The following NCKAP5 variants were observed in gnomAD, a reference collection of about 807,000 sequenced individuals.
The protein encoded by NCKAP5 is NCK associated protein 5.
Under a neutral mutation model 167.0 loss-of-function variants are expected in NCKAP5, and 92 were observed. That is an observed-to-expected ratio of 0.55 (90% CI 0.47 to 0.66). The LOEUF (loss-of-function observed/expected upper bound fraction) is 0.66, where lower values mean the gene tolerates loss of function less well. Among genes scored for constraint, NCKAP5 ranks in the 30% least tolerant of loss-of-function variants. NCKAP5 has a pLI of 0.00. For missense variants in NCKAP5, 2,378 were observed against 2,315.0 expected (o/e 1.03, Z -0.56); for synonymous variants, 891 against 877.4 (o/e 1.02, Z -0.27).
At chr2:133,009,597 C>T (rs1431388096) in intron 6 of NCKAP5, among the ~76,000 whole-genome samples, 2 of 152,026 alleles carry the variant, frequency 1.3e-5, no homozygotes, top group Non-Finnish European at 2.9e-5. Context: ...TTATCTGTTC[C>T]TCTATTTGAT....
intron 12 of NCKAP5, among the ~76,000 whole-genome samples, chr2:132,791,333 G>A (rs530391335): frequency 6.6e-6 from 1 of 152,256 alleles, no homozygotes; most frequent in Non-Finnish European, 1.5e-5. Context: ...CTATCCACAT[G>A]GTAATAACCC....
intron 8 of NCKAP5, among the ~76,000 whole-genome samples, chr2:132,884,223 C>A (rs141869081): frequency 2.2e-4 from 33 of 152,334 alleles, no homozygotes; most frequent in Non-Finnish European, 1.5e-5. Context: ...CCACACAGCA[C>A]GATCCTTCTG....
intron 8 of NCKAP5, among the ~76,000 whole-genome samples, chr2:132,960,281 A>C (rs550340099): frequency 1.3e-5 from 2 of 152,204 alleles, no homozygotes; most frequent in African/African-American, 2.4e-5. Context: ...TGGCATGCAG[A>C]GACCTAGACA....
At chr2:133,409,691 A>C (rs1358416136) in intron 3 of NCKAP5, among the ~76,000 whole-genome samples, 1 of 152,172 alleles carries the variant, frequency 6.6e-6, no homozygotes, top group Non-Finnish European at 1.5e-5. Flanking sequence ...ATGTGTGTGC[A>C]TGTGTATGCA....
chr2:132,771,640 C>T (rs1376902657), intron 16 of NCKAP5, among the ~76,000 whole-genome samples: 1 of 151,588 alleles, frequency 6.6e-6, no homozygotes. Context: ...TATAAGTGCC[C>T]TATACAGGTA....
chr2:132,771,568 G>A (rs372555302), intron 16 of NCKAP5, among the ~76,000 whole-genome samples: 3 of 152,058 alleles, frequency 2.0e-5, no homozygotes, highest in Admixed American at 6.6e-5. Context: ...GTAAGGTGAT[G>A]TCCTGGGCCC....
At chr2:132,812,531 C>A (rs1338905617) in intron 11 of NCKAP5, among the ~76,000 whole-genome samples, 1 of 152,148 alleles carries the variant, frequency 6.6e-6, no homozygotes. Flanking sequence ...TGAACAAGCA[C>A]ACTCCCTGCA....
At chr2:132,910,176 C>A (rs1694333732) in intron 8 of NCKAP5, among the ~76,000 whole-genome samples, 2 of 152,088 alleles carry the variant, frequency 1.3e-5, no homozygotes, top group African/African-American at 4.8e-5. Flanking sequence ...TGCTTTGATA[C>A]AGGCATGCAA....
rs145303353 is a variant in NCKAP5 at position 132,745,814 on chromosome 2, A to C, written c.5129-13763T>G. 1.2e-4 allele frequency among the ~76,000 whole-genome samples: 19 copies of C among 152,116 alleles called. No homozygotes were observed. The East Asian group carries it at 3.5e-3, about 28-fold the overall frequency. ...TTAGTATGTATTATAAATAATTGGT[A>C]ATTAAACAATACTATTTCTAACAGC... is the stretch of plus-strand genomic sequence containing the variant. On this transcript the variant is annotated intron_variant, in intron 16 of 19. Coordinates refer to ENST00000409261, the MANE Select transcript of NCKAP5 (RefSeq NM_207363.3).
At chr2:133,254,208 C>T (rs1011532310) in intron 4 of NCKAP5, among the ~76,000 whole-genome samples, 2 of 152,148 alleles carry the variant, frequency 1.3e-5, no homozygotes, top group Admixed American at 1.3e-4. Flanking sequence ...TGACACAATG[C>T]CAGCTCCAGG....
At chr2:133,587,901 A>G in the NCKAP5 span, among the ~76,000 whole-genome samples, 2 of 152,222 alleles carry the variant, frequency 1.3e-5, no homozygotes, top group Admixed American at 1.3e-4. Context: ...TCGCCTGACA[A>G]GACTTTCCAG....
chr2:132,687,634 C>A (rs1686119340), intron 19 of NCKAP5, among the ~76,000 whole-genome samples: 1 of 150,648 alleles, frequency 6.6e-6, no homozygotes, highest in Admixed American at 6.7e-5. Flanking sequence ...TGAAAATAAT[C>A]CAAAAGCTGC....
chr2:132,811,910 G>C (rs891387940), intron 11 of NCKAP5, among the ~76,000 whole-genome samples: 9 of 152,130 alleles, frequency 5.9e-5, no homozygotes, highest in Non-Finnish European at 1.3e-4. Flanking sequence ...AGGCAGGAAG[G>C]GGCTGCTAGG....
chr2:133,578,639 G>A, the NCKAP5 span, among the ~76,000 whole-genome samples: 2 of 152,144 alleles, frequency 1.3e-5, no homozygotes, highest in East Asian at 3.9e-4. Context: ...TGGCTCTGTC[G>A]TGCCTGACCC....
chr2:133,421,260 C>G (rs1049466350), intron 3 of NCKAP5, among the ~76,000 whole-genome samples: 1 of 152,174 alleles, frequency 6.6e-6, no homozygotes, highest in African/African-American at 2.4e-5. Flanking sequence ...CTCCCTACCC[C>G]ACCCCTGCCT....
intron 2 of NCKAP5, among the ~76,000 whole-genome samples, chr2:133,526,052 T>C (rs1180610464): frequency 6.6e-6 from 1 of 152,066 alleles, no homozygotes; most frequent in Non-Finnish European, 1.5e-5. Context: ...AGAGTTCCAT[T>C]CATTCAAAAT....
chr2:133,635,508 AG>A, the NCKAP5 span, among the ~76,000 whole-genome samples: 1 of 152,200 alleles, frequency 6.6e-6, no homozygotes. Context: ...GTAATATAAA[AG>A]TTAAGGAAAA....
At chr2:133,571,529 G>A (rs1688868032), upstream of NCKAP5, among the ~76,000 whole-genome samples, 1 of 152,134 alleles carries the variant, frequency 6.6e-6, no homozygotes, top group Non-Finnish European at 1.5e-5. Flanking sequence ...CTGGGAGAAG[G>A]ACGGCTGGGT....
chr2:133,259,123 C>T (rs1009535530), intron 4 of NCKAP5, among the ~76,000 whole-genome samples: 1 of 152,124 alleles, frequency 6.6e-6, no homozygotes, highest in Non-Finnish European at 1.5e-5. Context: ...GGGTAGAGTG[C>T]TCTCCCTCCT....
Sources: gnomAD v4.1 joint callset for allele counts (sites outside exome capture counted in the v4.1 genomes callset) on GRCh38, gnomAD v4.1.1 for gene constraint, MANE v1.5 for transcripts, NCBI Gene and HGNC (gene_info 2026-07-23, HGNC 2026-07-21) for gene names.